Variants in SCUBE2 observed in about 807,000 individuals in gnomAD.
SCUBE2 encodes signal peptide, CUB domain and EGF like domain containing 2.
Under a neutral mutation model 125.9 loss-of-function variants are expected in SCUBE2, and 114 were observed. That is an observed-to-expected ratio of 0.91 (90% CI 0.78 to 1.06). The LOEUF (loss-of-function observed/expected upper bound fraction) is 1.06. SCUBE2 is among the 50% of genes least tolerant of loss of function. SCUBE2 has a pLI of 0.00. For missense variants in SCUBE2, 1,255 were observed against 1,301.8 expected (o/e 0.96, Z 0.55); for synonymous variants, 459 against 492.9 (o/e 0.93, Z 0.91).
At chr11:9,080,097 A>C (rs181054878) in intron 2 of SCUBE2, among the ~76,000 whole-genome samples, 1 of 152,374 alleles carries the variant, frequency 6.6e-6, no homozygotes, top group East Asian at 1.9e-4. Context: ...AGACAGAGGT[A>C]TAGATCAATG....
chr11:9,067,616 T>C (rs1301074175), intron 5 of SCUBE2, among the ~76,000 whole-genome samples: 3 of 152,300 alleles, frequency 2.0e-5, no homozygotes, highest in Admixed American at 2.0e-4. Context: ...TAAATAGGAA[T>C]ATGGAAAAAT....
rs900439521 is a variant in SCUBE2, at chr11:9,055,593, C to T, written c.1207+200G>A. On this transcript the variant is annotated intron_variant, in intron 10 of 22. Transcript: ENST00000649792. ...TCTTCTCTCTGCTCCATTTCACACT[C>T]GGTGTGTTAAAGGGATACATGTGGG... is the stretch of plus-strand genomic sequence containing the variant. Among the ~76,000 whole-genome samples, 4 of 152,236 alleles carry T rather than the reference C, an allele frequency of 2.6e-5. No homozygotes were observed. In the East Asian group the frequency reaches 5.8e-4, roughly 22 times the overall value.
chr11:9,090,995 G>C (rs1302332506), intron 1 of SCUBE2, among the ~76,000 whole-genome samples: 3 of 152,160 alleles, frequency 2.0e-5, no homozygotes, highest in Non-Finnish European at 4.4e-5. Flanking sequence ...GGCCCCCAAA[G>C]AAAGAAACGG....
At chr11:9,023,277 G>A (rs963682334) in intron 21 of SCUBE2, among the ~76,000 whole-genome samples, 1 of 152,200 alleles carries the variant, frequency 6.6e-6, no homozygotes, top group East Asian at 1.9e-4. Flanking sequence ...TCAGTTAAGG[G>A]ATGGCAAATG....
intron 16 of SCUBE2, among the ~76,000 whole-genome samples, chr11:9,041,734 G>A (rs1275228557): frequency 1.3e-5 from 2 of 151,552 alleles, no homozygotes; most frequent in East Asian, 2.0e-4. Flanking sequence ...CCTTCAAAGA[G>A]CTTCGTTCTA....
At position 9,074,489 on chromosome 11, in the gene SCUBE2, C is replaced by A. The variant is rs754677544; in HGVS notation, c.509G>T (p.Arg170Leu). 3 of 1,614,062 alleles carry A rather than the reference C, an allele frequency of 1.9e-6. No individual in the cohort carries two copies. The highest frequency in any genetic ancestry group is 1.6e-4 in the Middle Eastern group (1 of 6,062). Residue 170 changes from arginine (R) to leucine (L), a missense_variant, in exon 4 of 23, where the codon CGC (arginine) becomes CTC (leucine). Coordinates refer to ENST00000649792, the MANE Select transcript of SCUBE2 (RefSeq NM_001367977.2). ...LSDNQHTCIH[R>L]SEEGLSCMNK... ...CAGCTGGGCAGAGGTACCTTCCGAG[C>A]GGTGAATGCAGGTGTGCTGATTGTC... is the stretch of plus-strand genomic sequence containing the variant.
rs1034582545 is a variant in SCUBE2, at chr11:9,027,243, T to G, written c.2701+121A>C. On this transcript the variant is annotated intron_variant, in intron 20 of 22. Coordinates refer to ENST00000649792, the MANE Select transcript of SCUBE2 (RefSeq NM_001367977.2). ...TCTCACCAACTCTATAAACTCATGT[T>G]CACCTCTGCTCTAATATGGAGGTGA... 4.5e-6 allele frequency: 4 copies of G among 894,296 alleles called. No individual in the cohort carries two copies. The African/African-American group carries it at 6.7e-5, about 15-fold the overall frequency. 55.4% of individuals were successfully genotyped at this position (894,296 alleles called of 1,614,324 possible). A position where few individuals can be genotyped will look rare whatever the true frequency, so the allele number is the denominator to read the frequency against.
intron 3 of SCUBE2, among the ~76,000 whole-genome samples, chr11:9,077,510 A>G (rs1015117468): frequency 7.9e-5 from 12 of 152,188 alleles, no homozygotes; most frequent in African/African-American, 2.4e-4. Context: ...TCTAGCTAAT[A>G]TATTTGTGGC....
chr11:9,047,274 G>A, intron 16 of SCUBE2, 82 bp downstream of exon 16: 3 of 1,399,618 alleles, frequency 2.1e-6, no homozygotes, highest in Non-Finnish European at 3.0e-6. Flanking sequence ...AAGGGAGGAT[G>A]GGCCAGACTT....
chr11:9,081,684 A>ACC (rs1489488493), intron 2 of SCUBE2, among the ~76,000 whole-genome samples: 1 of 151,904 alleles, frequency 6.6e-6, no homozygotes, highest in Non-Finnish European at 1.5e-5. Flanking sequence ...AAAAAAAAAA[A>ACC]ACCAAAAATA....
Position 9,025,814 on chromosome 11 carries a change from G to C in SCUBE2, c.2742C>G (p.Thr914=), listed in dbSNP as rs1257299180. The change falls in exon 21 of 23, where the codon ACC becomes ACG. Residue 914 remains threonine (T), a synonymous_variant. Coordinates refer to ENST00000649792, the MANE Select transcript of SCUBE2 (RefSeq NM_001367977.2). Reference sequence around the variant, plus strand: ...AGGTGAAGGCGATGGGGCGTTCGTAGGTCTGGCAGGTTTCATATGTTGTCA... The same window carrying C: ...AGGTGAAGGCGATGGGGCGTTCGTACGTCTGGCAGGTTTCATATGTTGTCA... ...NSVTTYETCQ[T]YERPIAFTSR... is the part of the protein sequence containing the mutation. 3.1e-6 allele frequency: 5 copies of C among 1,614,092 alleles called. No homozygotes were observed. The East Asian group carries it at 1.1e-4, about 36-fold the overall frequency.
intron 9 of SCUBE2, 23 bp from the exon 10 acceptor site, chr11:9,055,932 G>A: frequency 1.3e-6 from 2 of 1,597,146 alleles, no homozygotes; most frequent in East Asian, 2.2e-5. Context: ...AAGGGAGAGG[G>A]GAGCTGAAAC....
At chr11:9,039,694 T>C (rs553000428) in intron 16 of SCUBE2, among the ~76,000 whole-genome samples, 22 of 152,236 alleles carry the variant, frequency 1.4e-4, no homozygotes, top group African/African-American at 4.3e-4. Context: ...GTTTAGAATA[T>C]GGTGTAAGAG....
intron 21 of SCUBE2, 39 bp downstream of exon 21, chr11:9,025,663 G>A: frequency 6.2e-7 from 1 of 1,610,716 alleles, no homozygotes; most frequent in Non-Finnish European, 8.5e-7. Flanking sequence ...TCTGTTCAAA[G>A]CAGAGACGCT....
intron 16 of SCUBE2, among the ~76,000 whole-genome samples, chr11:9,047,019 C>A (rs1857848357): frequency 6.6e-6 from 1 of 152,218 alleles, no homozygotes; most frequent in African/African-American, 2.4e-5. Flanking sequence ...GAAATTCACC[C>A]TGCTTGGGAC....
chr11:9,047,589 C>T (rs773464656), intron 15 of SCUBE2, 27 bp from the exon 16 acceptor site: 24 of 1,606,046 alleles, frequency 1.5e-5, no homozygotes, highest in Admixed American at 1.0e-4. Context: ...GACAGCAGTG[C>T]GGGAGGAGAT....
Position 9,041,964 on chromosome 11 carries a change from A to AG in SCUBE2, c.2002+5391dup, listed in dbSNP as rs892977008. On this transcript the variant is annotated intron_variant, in intron 16 of 22. Coordinates refer to ENST00000649792, the MANE Select transcript of SCUBE2 (RefSeq NM_001367977.2). ...AGGCTCCAGCTTGAGTGCAAGATAGAGGGGGGCCTTAGAGGCATGGGCTGC... is the reference window on the plus strand; with the variant it reads ...AGGCTCCAGCTTGAGTGCAAGATAGAGGGGGGGCCTTAGAGGCATGGGCTGC... Among the ~76,000 whole-genome samples the AG allele has an allele frequency of 2.6e-5, 4 of 152,038 alleles. 1 individual carries two copies. Among genetic ancestry groups the AG allele is most frequent in the Non-Finnish European group, 5.9e-5 (4 of 67,990 alleles).
chr11:9,068,924 G>C (rs1331810346), intron 5 of SCUBE2, among the ~76,000 whole-genome samples: 1 of 152,216 alleles, frequency 6.6e-6, no homozygotes, highest in Non-Finnish European at 1.5e-5. Context: ...CACCACGCCA[G>C]GAAGGCAGGA....
At position 9,052,904 on chromosome 11, in the gene SCUBE2, C is replaced by T. The variant is rs1449220844; in HGVS notation, c.1448-72G>A. ...GCTATCCTGGTAGCAGCTAAACTGT[C>T]CCCCCACCCCACTCCACATGGGCCA... On this transcript the variant is annotated intron_variant, in intron 12 of 22. Transcript: ENST00000649792. The T allele has an allele frequency of 3.2e-6, 4 of 1,240,132 alleles. No individual in the cohort carries two copies. In the Admixed American group the frequency reaches 6.1e-5, roughly 19 times the overall value. 76.8% of individuals were successfully genotyped at this position (1,240,132 alleles called of 1,614,324 possible).
Sources: gnomAD v4.1 joint callset for allele counts (sites outside exome capture counted in the v4.1 genomes callset) on GRCh38, gnomAD v4.1.1 for gene constraint, MANE v1.5 for transcripts, NCBI Gene and HGNC (gene_info 2026-07-23, HGNC 2026-07-21) for gene names.